C12orf42: variants seen among roughly 807,000 people sequenced by gnomAD.
The protein encoded by C12orf42 is uncharacterized protein C12orf42.
A neutral mutation model predicts 21.6 loss-of-function variants in C12orf42; 25 were observed. The ratio of observed to expected loss-of-function variants is 1.16; its 90% CI spans 0.84 to 1.62. The LOEUF is 1.62. Ranked by LOEUF, C12orf42 falls within the 40% of genes most tolerant of loss-of-function variation. C12orf42 has a pLI of 0.00. For synonymous variants in C12orf42, 174 were observed against 175.0 expected (o/e 0.99, Z 0.05); for missense variants, 483 against 459.3 (o/e 1.05, Z -0.47).
intron 4 of C12orf42, among the ~76,000 whole-genome samples, chr12:103,355,780 A>C (rs1200885242): frequency 2.0e-5 from 3 of 152,062 alleles, no homozygotes; most frequent in Non-Finnish European, 4.4e-5. Flanking sequence ...TGTTAAATCA[A>C]ATAGGCATTC....
At chr12:103,210,639 CTTTTTTT>C in the C12orf42 span, among the ~76,000 whole-genome samples, 33 of 77,674 alleles carry the variant, frequency 4.2e-4, no homozygotes, top group Non-Finnish European at 6.4e-4. Context: ...CCCTCTATTT[CTTTTTTT>C]TTTTTTTTTT....
chr12:103,232,673 T>C (rs911928102), downstream of C12orf42, among the ~76,000 whole-genome samples: 2 of 141,424 alleles, frequency 1.4e-5, no homozygotes, highest in Non-Finnish European at 3.0e-5. Flanking sequence ...ATCACGCCAC[T>C]GCACTGCAGC....
chr12:103,112,871 C>A, the C12orf42 span, among the ~76,000 whole-genome samples: 1 of 152,118 alleles, frequency 6.6e-6, no homozygotes, highest in African/African-American at 2.4e-5. Context: ...ATCCTTCTAC[C>A]GTAGCACTCA....
chr12:103,383,243 A>G (rs1376035148), intron 3 of C12orf42, among the ~76,000 whole-genome samples: 1 of 151,816 alleles, frequency 6.6e-6, no homozygotes, highest in African/African-American at 2.4e-5. Context: ...CTGAGATTAC[A>G]GGTGCCTGCC....
intron 5 of C12orf42, among the ~76,000 whole-genome samples, chr12:103,270,678 T>C (rs1033105812): frequency 2.2e-4 from 33 of 151,158 alleles, no homozygotes; most frequent in African/African-American, 3.6e-4. Context: ...GCTGCACCCA[T>C]TAACTCGTCA....
At chr12:103,348,534 G>T (rs961634546) in intron 4 of C12orf42, among the ~76,000 whole-genome samples, 1 of 152,164 alleles carries the variant, frequency 6.6e-6, no homozygotes, top group Non-Finnish European at 1.5e-5. Flanking sequence ...GCTGTTCAAA[G>T]ATTTTTTAAA....
chr12:103,155,722 G>GTA, the C12orf42 span, among the ~76,000 whole-genome samples: 4 of 90,334 alleles, frequency 4.4e-5, no homozygotes, highest in East Asian at 1.2e-3. Context: ...ATATACAAGT[G>GTA]TATATATATA....
At chr12:103,421,470 AGGCTG>A in intron 2 of C12orf42, among the ~76,000 whole-genome samples, 1 of 152,006 alleles carries the variant, frequency 6.6e-6, no homozygotes, top group Non-Finnish European at 1.5e-5. Flanking sequence ...GATACTTAGG[AGGCTG>A]AGGTGAGAGC....
chr12:103,052,769 A>G, the C12orf42 span, among the ~76,000 whole-genome samples: 1 of 152,016 alleles, frequency 6.6e-6, no homozygotes, highest in African/African-American at 2.4e-5. Flanking sequence ...TATCATCCAG[A>G]GCGTTACTAT....
chr12:103,294,425 A>AGG, intron 4 of C12orf42, among the ~76,000 whole-genome samples: 1 of 102,736 alleles, frequency 9.7e-6, no homozygotes, highest in African/African-American at 4.3e-5. Context: ...GAGAAAGGAG[A>AGG]GAGAGAAAGA....
the C12orf42 span, among the ~76,000 whole-genome samples, chr12:103,172,558 CA>C: frequency 6.6e-6 from 1 of 152,042 alleles, no homozygotes; most frequent in Non-Finnish European, 1.5e-5. Context: ...CTCAGAGAAG[CA>C]AAAGACTTGC....
intron 4 of C12orf42, among the ~76,000 whole-genome samples, chr12:103,295,824 T>A (rs369431250): frequency 6.6e-6 from 1 of 152,150 alleles, no homozygotes; most frequent in African/African-American, 2.4e-5. Flanking sequence ...CCCCAAGTTA[T>A]CCTTTGCAGT....
chr12:103,191,922 T>G, the C12orf42 span, among the ~76,000 whole-genome samples: 3 of 152,018 alleles, frequency 2.0e-5, no homozygotes, highest in Admixed American at 1.3e-4. Context: ...CCACACAAAG[T>G]TTTCTCAGTT....
chr12:103,514,579 T>G, the C12orf42 span, among the ~76,000 whole-genome samples: 1 of 152,124 alleles, frequency 6.6e-6, no homozygotes, highest in Admixed American at 6.6e-5. Context: ...GAACGTTGGC[T>G]TTTACTCTGA....
At chr12:103,356,681 C>A (rs1389982781) in intron 4 of C12orf42, among the ~76,000 whole-genome samples, 1 of 151,806 alleles carries the variant, frequency 6.6e-6, no homozygotes, top group African/African-American at 2.4e-5. Flanking sequence ...TCCTCTCCAG[C>A]ACCTGTTGTT....
At chr12:103,157,193 T>G in the C12orf42 span, among the ~76,000 whole-genome samples, 1 of 152,242 alleles carries the variant, frequency 6.6e-6, no homozygotes, top group African/African-American at 2.4e-5. Flanking sequence ...GGTATCTCAT[T>G]GCAGTTTTGA....
chr12:103,266,683 T>C (rs2035188084), downstream of C12orf42, among the ~76,000 whole-genome samples: 1 of 152,182 alleles, frequency 6.6e-6, no homozygotes, highest in African/African-American at 2.4e-5. Context: ...GAATATTTCT[T>C]GCTTAATTTG....
intron 2 of C12orf42, among the ~76,000 whole-genome samples, chr12:103,458,234 C>T (rs1565862042): frequency 1.3e-5 from 2 of 152,088 alleles, no homozygotes; most frequent in African/African-American, 2.4e-5. Context: ...ATAAAGAAGA[C>T]GTTGGGGGCA....
intron 5 of C12orf42, among the ~76,000 whole-genome samples, chr12:103,305,685 G>C (rs1002058112): frequency 6.6e-6 from 1 of 152,274 alleles, no homozygotes; most frequent in East Asian, 1.9e-4. Flanking sequence ...CTGGCACATG[G>C]TGAAAGCTTA....
Sources: allele counts gnomAD v4.1 joint callset (sites outside exome capture counted in the v4.1 genomes callset), GRCh38; gene constraint gnomAD v4.1.1; transcripts MANE v1.5; gene names NCBI Gene and HGNC (gene_info 2026-07-23, HGNC 2026-07-21).